Variants in WASHC3 observed in about 807,000 individuals in gnomAD.
WASHC3 encodes WASH complex subunit CCDC53.
A neutral mutation model predicts 26.1 loss-of-function variants in WASHC3; 24 were observed. The observed-to-expected ratio is 0.92, with a 90% CI of 0.66 to 1.29. The LOEUF (loss-of-function observed/expected upper bound fraction) is 1.29, where lower values mean the gene tolerates loss of function less well. Ranked by LOEUF, WASHC3 falls within the 50% of genes most tolerant of loss-of-function variation. WASHC3 has a pLI of 0.00. For synonymous variants in WASHC3, 77 were observed against 75.7 expected (o/e 1.02, Z -0.09); for missense variants, 214 against 229.6 (o/e 0.93, Z 0.44).
rs763486394 is a variant in WASHC3 at position 102,061,922 on chromosome 12, T to A, written c.41A>T (p.Asp14Val). ...CCGTCTTTTACAAACCTTGGTCAGG[T>A]CTATGCCTGACCCCATGAGAGGAAG... The part of the protein sequence containing the change: ...DGLPLMGSGI[D>V]LTKVPAIQQK... The change falls in exon 1 of 7, where the codon GAC becomes GTC. Residue 14 changes from aspartate to valine, a missense_variant. Coordinates refer to ENST00000240079, the MANE Select transcript of WASHC3 (RefSeq NM_016053.4). 13 of 1,599,378 alleles carry A rather than the reference T, an allele frequency of 8.1e-6. 1 individual carries two copies. In the Middle Eastern group the frequency reaches 5.0e-4, roughly 61 times the overall value.
intron 5 of WASHC3, among the ~76,000 whole-genome samples, chr12:102,032,447 CAGTTA>C (rs1229079347): frequency 6.6e-6 from 1 of 152,114 alleles, no homozygotes; most frequent in Non-Finnish European, 1.5e-5. Context: ...TACACAATTC[CAGTTA>C]AGTTATAAAA....
chr12:102,057,371 A>C (rs1878631445), intron 2 of WASHC3, among the ~76,000 whole-genome samples: 1 of 152,022 alleles, frequency 6.6e-6, no homozygotes, highest in Admixed American at 6.5e-5. Flanking sequence ...AAGGATATTC[A>C]CTCTTACCCC....
intron 2 of WASHC3, among the ~76,000 whole-genome samples, chr12:102,052,962 GA>G (rs893387857): frequency 6.6e-6 from 1 of 152,056 alleles, no homozygotes; most frequent in Admixed American, 6.5e-5. Flanking sequence ...GCTGGCCCCA[GA>G]CAAATCCCTG....
intron 2 of WASHC3, among the ~76,000 whole-genome samples, chr12:102,051,217 G>A (rs2136683892): frequency 6.6e-6 from 1 of 152,304 alleles, no homozygotes; most frequent in African/African-American, 2.4e-5. Context: ...TCCTGTCGGG[G>A]GGTGGGAAAA....
chr12:102,013,310 C>G (rs1314089230), intron 6 of WASHC3, 118 bp from the exon 7 acceptor site: 6 of 619,416 alleles, frequency 9.7e-6, no homozygotes, highest in Non-Finnish European at 1.7e-5. Flanking sequence ...AAGTCCGTGT[C>G]CTCAGTCTCC....
In WASHC3 at chr12:102,044,214, T is replaced by C. The variant is rs1462215163; in HGVS notation, c.217-2A>G. The C allele has an allele frequency of 4.0e-6, 6 of 1,516,724 alleles. No individual in the cohort carries two copies. Among genetic ancestry groups the C allele is most frequent in the Admixed American group, 1.8e-5 (1 of 55,788 alleles). The allele number at this position is 1,516,724 out of a possible 1,614,324, so 94.0% of individuals were successfully genotyped here. On this transcript the variant is annotated splice_acceptor_variant, in intron 3 of 6. Coordinates refer to ENST00000240079, the MANE Select transcript of WASHC3 (RefSeq NM_016053.4). LOFTEE classifies it high-confidence loss of function. ...ATCTAGGCCTGGGATAGATGACAACTGAGAAAAGAAAATTAGTATTGGAAT... is the reference window on the plus strand; with the variant it reads ...ATCTAGGCCTGGGATAGATGACAACCGAGAAAAGAAAATTAGTATTGGAAT...
At chr12:102,025,679 A>G (rs1329360902) in intron 6 of WASHC3, among the ~76,000 whole-genome samples, 1 of 150,832 alleles carries the variant, frequency 6.6e-6, no homozygotes, top group East Asian at 1.9e-4. Context: ...GAGGTAGCAC[A>G]AAAAGGAAAA....
At position 102,044,103 on chromosome 12, in the gene WASHC3, A is replaced by G. The variant is rs542882642; in HGVS notation, c.324+2T>C. The G allele has an allele frequency of 3.2e-6, 5 of 1,539,378 alleles. No individual in the cohort carries two copies. In the African/African-American group the frequency reaches 5.5e-5, roughly 17 times the overall value. On this transcript the variant is annotated splice_donor_variant, in intron 4 of 6. Coordinates refer to ENST00000240079, the MANE Select transcript of WASHC3 (RefSeq NM_016053.4). LOFTEE classifies it high-confidence loss of function. ...TCTGCTCGTTTCTTAGAACTCACTT[A>G]CCTGTGGTTGCTCTGAAGTGGCTTC...
chr12:102,061,877 G>A, intron 1 of WASHC3, 35 bp downstream of exon 1: 1 of 1,558,896 alleles, frequency 6.4e-7, no homozygotes, highest in South Asian at 1.2e-5. Flanking sequence ...TCCTCCTCCC[G>A]GCTCGTCGGG....
intron 5 of WASHC3, among the ~76,000 whole-genome samples, chr12:102,029,634 CTTCA>C (rs1475122007): frequency 6.6e-6 from 1 of 152,140 alleles, no homozygotes; most frequent in Non-Finnish European, 1.5e-5. Context: ...GGAAAAACAA[CTTCA>C]TTGTCAATTT....
At position 102,045,927 on chromosome 12, in the gene WASHC3, C is replaced by A; in HGVS notation, c.216+127G>T. ...ACTGCAGTAAAATTAAAAACACAAC[C>A]AGTATCACTTCACAGATACAGAAGT... On this transcript the variant is annotated intron_variant, in intron 3 of 6. Coordinates refer to ENST00000240079, the MANE Select transcript of WASHC3 (RefSeq NM_016053.4). 3 of 582,554 alleles carry A rather than the reference C, an allele frequency of 5.1e-6. No homozygotes were observed. The South Asian group carries it at 6.7e-5, about 13-fold the overall frequency. 36.1% of individuals were successfully genotyped at this position (582,554 alleles called of 1,614,324 possible).
chr12:102,058,940 G>A (rs987648484), intron 2 of WASHC3, among the ~76,000 whole-genome samples: 3 of 152,120 alleles, frequency 2.0e-5, no homozygotes, highest in African/African-American at 4.8e-5. Context: ...AATGAAATAA[G>A]CCAGTCAAAC....
intron 2 of WASHC3, among the ~76,000 whole-genome samples, chr12:102,049,007 C>A (rs1196882889): frequency 1.3e-5 from 2 of 152,164 alleles, no homozygotes; most frequent in African/African-American, 2.4e-5. Context: ...AAAAGGTATA[C>A]CTGGGTTCAT....
chr12:102,048,791 G>C (rs1379413455), intron 2 of WASHC3, among the ~76,000 whole-genome samples: 1 of 151,990 alleles, frequency 6.6e-6, no homozygotes, highest in Admixed American at 6.6e-5. Flanking sequence ...TATATAACTG[G>C]TTTCTTTTGT....
At chr12:102,044,617 T>G (rs939136368) in intron 3 of WASHC3, among the ~76,000 whole-genome samples, 3 of 152,188 alleles carry the variant, frequency 2.0e-5, no homozygotes, top group African/African-American at 7.2e-5. Flanking sequence ...ATATTTCTAT[T>G]GATAATACTT....
intron 5 of WASHC3, among the ~76,000 whole-genome samples, 155 bp downstream of exon 5, chr12:102,039,713 T>C (rs535579113): frequency 1.3e-5 from 2 of 152,014 alleles, no homozygotes; most frequent in South Asian, 4.2e-4. Flanking sequence ...TTTTTTTTAA[T>C]CAGAGAATTA....
chr12:102,027,956 A>C (rs916305291), intron 5 of WASHC3, among the ~76,000 whole-genome samples: 4 of 151,912 alleles, frequency 2.6e-5, no homozygotes, highest in African/African-American at 9.6e-5. Flanking sequence ...TTCTCTTCAA[A>C]ACCATACCTC....
chr12:102,053,033 AT>A (rs1299574842), intron 2 of WASHC3, among the ~76,000 whole-genome samples: 1 of 151,748 alleles, frequency 6.6e-6, no homozygotes, highest in East Asian at 1.9e-4. Flanking sequence ...ACCCCAGTAG[AT>A]TGCATTGCCA....
chr12:102,055,134 AAAAC>A (rs962463385), intron 2 of WASHC3, among the ~76,000 whole-genome samples: 4 of 152,206 alleles, frequency 2.6e-5, no homozygotes, highest in African/African-American at 7.2e-5. Flanking sequence ...TTTGAAAAGA[AAAAC>A]AAAATCCACA....
Sources: gnomAD v4.1 joint callset for allele counts (sites outside exome capture counted in the v4.1 genomes callset) on GRCh38, gnomAD v4.1.1 for gene constraint, MANE v1.5 for transcripts, NCBI Gene and HGNC (gene_info 2026-07-23, HGNC 2026-07-21) for gene names.